Variants in HDAC4 observed in about 807,000 individuals in gnomAD.
HDAC4 encodes the protein histone deacetylase 4.
In HDAC4, 16 loss-of-function variants were observed where a neutral mutation model predicts 135.1. The observed-to-expected ratio is 0.12, with a 90% CI of 0.08 to 0.18. The LOEUF is 0.18. Ranked by LOEUF, HDAC4 falls within the 10% of genes least tolerant of loss-of-function variation. The pLI, the probability that HDAC4 is intolerant of heterozygous loss-of-function variation, is 1.00. For missense variants in HDAC4, 1,143 were observed against 1,511.8 expected (o/e 0.76, Z 4.05); for synonymous variants, 685 against 653.4 (o/e 1.05, Z -0.74).
chr2:239,390,860 A>G (rs530055656), intron 1 of HDAC4, among the ~76,000 whole-genome samples: 1 of 152,234 alleles, frequency 6.6e-6, no homozygotes, highest in Non-Finnish European at 1.5e-5. Flanking sequence ...AAATGCACAC[A>G]GTCCTTCAGG....
intron 22 of HDAC4, among the ~76,000 whole-genome samples, chr2:239,072,619 G>A (rs147297692): frequency 2.3e-3 from 343 of 152,332 alleles, no homozygotes; most frequent in African/African-American, 7.1e-3. Context: ...TGCACTCACC[G>A]GGCCCAGTGT....
intron 1 of HDAC4, among the ~76,000 whole-genome samples, chr2:239,388,719 C>T (rs1055439409): frequency 6.6e-6 from 1 of 152,228 alleles, no homozygotes; most frequent in Admixed American, 6.5e-5. Flanking sequence ...GCCACACAGG[C>T]TCCTCCCTTC....
At chr2:239,247,850 G>T (rs1043139333) in intron 2 of HDAC4, among the ~76,000 whole-genome samples, 1 of 152,184 alleles carries the variant, frequency 6.6e-6, no homozygotes, top group Non-Finnish European at 1.5e-5. Flanking sequence ...AGAACGGAGG[G>T]CGCTGACCAC....
intron 2 of HDAC4, among the ~76,000 whole-genome samples, chr2:239,314,281 C>A (rs1310139171): frequency 6.6e-6 from 1 of 152,136 alleles, no homozygotes; most frequent in Non-Finnish European, 1.5e-5. Flanking sequence ...CCCGGAAAGA[C>A]CTCAGTTGTA....
At chr2:239,346,370 C>A (rs548494821) in intron 2 of HDAC4, among the ~76,000 whole-genome samples, 18 of 151,212 alleles carry the variant, frequency 1.2e-4, no homozygotes, top group African/African-American at 4.1e-4. Context: ...CATCTTAACA[C>A]ACATCCTGTC....
At chr2:239,060,703 C>T (rs922160903) in intron 24 of HDAC4, among the ~76,000 whole-genome samples, 9 of 152,258 alleles carry the variant, frequency 5.9e-5, no homozygotes, top group Non-Finnish European at 1.2e-4. Context: ...TGGGCCATCT[C>T]CCCTCCTGGA....
At chr2:239,174,634 C>T (rs1339731185) in intron 5 of HDAC4, among the ~76,000 whole-genome samples, 1 of 152,196 alleles carries the variant, frequency 6.6e-6, no homozygotes, top group Non-Finnish European at 1.5e-5. Flanking sequence ...AGTTCAACAA[C>T]TCCACTTCAC....
intron 3 of HDAC4, among the ~76,000 whole-genome samples, chr2:239,212,689 G>A (rs2046408389): frequency 6.6e-6 from 1 of 152,228 alleles, no homozygotes; most frequent in Admixed American, 6.5e-5. Context: ...GGCAGTGAGA[G>A]CTGACATGCC....
chr2:239,053,405 G>C, intron 26 of HDAC4, 55 bp downstream of exon 26: 2 of 1,595,522 alleles, frequency 1.3e-6, no homozygotes, highest in South Asian at 2.2e-5. Flanking sequence ...TAGTGTGTCA[G>C]TGGGCACAGT....
At chr2:239,123,556 A>T (rs1469347188) in intron 12 of HDAC4, among the ~76,000 whole-genome samples, 1 of 152,226 alleles carries the variant, frequency 6.6e-6, no homozygotes, top group East Asian at 1.9e-4. Context: ...ATGATGGCTC[A>T]CACACTAGGA....
chr2:239,274,383 G>A (rs748812976), intron 2 of HDAC4, among the ~76,000 whole-genome samples: 5 of 151,968 alleles, frequency 3.3e-5, no homozygotes, highest in Non-Finnish European at 4.4e-5. Flanking sequence ...ATTACCAAAC[G>A]ACAGGACAAG....
In HDAC4 at chr2:239,115,365, C is replaced by T. The variant is rs2039037416; in HGVS notation, c.1534-55G>A. The T allele has an allele frequency of 1.9e-6, 3 of 1,605,604 alleles. No homozygotes were observed. The highest frequency in any genetic ancestry group is 1.7e-4 in the Middle Eastern group (1 of 6,042). On this transcript the variant is annotated intron_variant, in intron 12 of 26. Coordinates refer to ENST00000543185, the MANE Select transcript of HDAC4 (RefSeq NM_001378414.1). The surrounding 1 kb of genome is among the most constrained non-coding windows in gnomAD (Gnocchi z 6.3). ...AGAGAGCTGGGTCCTCTGAGCTCAT[C>T]TGACAGGAGAAGGGATGCTGCAAAC...
chr2:239,278,208 G>A (rs1040529372), intron 2 of HDAC4, among the ~76,000 whole-genome samples: 2 of 151,642 alleles, frequency 1.3e-5, no homozygotes, highest in Admixed American at 1.3e-4. Flanking sequence ...AAACAGACTG[G>A]TAACAAAGCA....
intron 7 of HDAC4, among the ~76,000 whole-genome samples, chr2:239,148,997 C>T (rs2041938587): frequency 6.6e-6 from 1 of 152,214 alleles, no homozygotes; most frequent in Non-Finnish European, 1.5e-5. Context: ...GTGAACGTGA[C>T]ACACGCTGTA....
In HDAC4 at chr2:239,115,206, C is replaced by T. The variant is rs777474268; in HGVS notation, c.1638G>A (p.Leu546=). Residue 546 remains leucine, a synonymous_variant, in exon 13 of 27, where the codon CTG becomes CTA. Transcript: ENST00000543185. The surrounding 1 kb of genome is among the most constrained non-coding windows in gnomAD (Gnocchi z 6.3). The stretch of plus-strand genomic sequence containing the variant: ...CCTCCTTCTGCCCCGGCAGCCGGTC[C>T]AGGTAGGGCTCGTCCAGCAGAGCCT... ...EHQALLDEPY[L]DRLPGQKEAH... is the part of the protein sequence containing the mutation. 1.9e-6 allele frequency: 3 copies of T among 1,611,826 alleles called. No homozygotes were observed. Among genetic ancestry groups the T allele is most frequent in the Non-Finnish European group, 1.7e-6 (2 of 1,179,912 alleles).
At chr2:239,099,021 T>G (rs4852020) in intron 16 of HDAC4, among the ~76,000 whole-genome samples, 44,529 of 152,188 alleles carry the variant, frequency 0.29, 6,724 homozygotes, top group Non-Finnish European at 0.33. Flanking sequence ...ACAGGAATGG[T>G]GCAAAGGGAT....
At position 239,068,589 on chromosome 2, in the gene HDAC4, G is replaced by T. The variant is rs371362399; in HGVS notation, c.2769C>A (p.Ile923=). Reference sequence around the variant, plus strand: ...CCACATCCGGGGCAAACTCGCTGGCGATCGGCATGACCACCGTTCTGCAAA... The same window carrying T: ...CCACATCCGGGGCAAACTCGCTGGCTATCGGCATGACCACCGTTCTGCAAA... ...LAAFRTVVMP[I]ASEFAPDVVL... is the part of the protein sequence containing the mutation. The change falls in exon 23 of 27, where the codon ATC becomes ATA. Residue 923 remains isoleucine, a synonymous_variant. Coordinates refer to ENST00000543185, the MANE Select transcript of HDAC4 (RefSeq NM_001378414.1). This position sits in a 1 kb window ranked among gnomAD's most constrained non-coding sequence, Gnocchi z 4.4. 2.5e-6 allele frequency: 4 copies of T among 1,613,786 alleles called. No homozygotes were observed. Among genetic ancestry groups the T allele is most frequent in the Non-Finnish European group, 3.4e-6 (4 of 1,179,974 alleles).
intron 3 of HDAC4, among the ~76,000 whole-genome samples, chr2:239,226,104 C>T (rs750566876): frequency 6.6e-6 from 1 of 152,102 alleles, no homozygotes; most frequent in Non-Finnish European, 1.5e-5. Flanking sequence ...TGAGGGGCTC[C>T]GCAGGCCCTC....
At position 239,139,655 on chromosome 2, in the gene HDAC4, A is replaced by G. The variant is rs2152900100; in HGVS notation, c.978+29T>C. 8.9e-6 allele frequency: 14 copies of G among 1,578,106 alleles called. No homozygotes were observed. Among genetic ancestry groups the G allele is most frequent in the Non-Finnish European group, 1.2e-5 (14 of 1,147,070 alleles). ...CCGTCCCGAGTCCGACTCTAGCCGT[A>G]GGACACAGGACAAACGCTTCGCACT... On this transcript the variant is annotated intron_variant, in intron 9 of 26. Coordinates refer to ENST00000543185, the MANE Select transcript of HDAC4 (RefSeq NM_001378414.1). This position sits in a 1 kb window ranked among gnomAD's most constrained non-coding sequence, Gnocchi z 5.3.
Sources: allele counts gnomAD v4.1 joint callset (sites outside exome capture counted in the v4.1 genomes callset), GRCh38; gene constraint gnomAD v4.1.1; non-coding constraint Gnocchi (gnomAD v3.1); transcripts MANE v1.5; gene names NCBI Gene and HGNC (gene_info 2026-07-23, HGNC 2026-07-21).